Variants in MPP3 observed in about 807,000 individuals in gnomAD.
The protein encoded by MPP3 is MAGUK p55 scaffold protein 3.
Under a neutral mutation model 80.7 loss-of-function variants are expected in MPP3, and 48 were observed. The ratio of observed to expected loss-of-function variants is 0.59; its 90% CI spans 0.47 to 0.76. MPP3 has a LOEUF of 0.76. MPP3 is among the 30% of genes least tolerant of loss of function. MPP3 has a pLI of 0.00. For missense variants in MPP3, 620 were observed against 763.0 expected (o/e 0.81, Z 2.21); for synonymous variants, 311 against 297.6 (o/e 1.04, Z -0.46).
At position 43,831,697 on chromosome 17, in the gene MPP3, A is replaced by C; in HGVS notation, c.26-20T>G. Reference sequence around the variant, plus strand: ...GCAAACCTGGGGAGAGGTGAGAAAAACAAAGGATAGCAAACGCAGTGGGTG... The same window carrying C: ...GCAAACCTGGGGAGAGGTGAGAAAACCAAAGGATAGCAAACGCAGTGGGTG... On this transcript the variant is annotated intron_variant, in intron 3 of 19. Coordinates refer to ENST00000398389, the MANE Select transcript of MPP3 (RefSeq NM_001932.6). 2.5e-6 allele frequency: 4 copies of C among 1,588,582 alleles called. No individual in the cohort carries two copies. Among genetic ancestry groups the C allele is most frequent in the Non-Finnish European group, 3.4e-6 (4 of 1,162,248 alleles).
At chr17:43,812,990 G>A (rs930937793) in intron 16 of MPP3, among the ~76,000 whole-genome samples, 32 of 152,142 alleles carry the variant, frequency 2.1e-4, no homozygotes, top group Non-Finnish European at 7.4e-5. Context: ...CAGGGAGAGC[G>A]GTGTGATCAA....
intron 2 of MPP3, among the ~76,000 whole-genome samples, chr17:43,832,489 G>A (rs2046013989): frequency 6.6e-6 from 1 of 152,210 alleles, no homozygotes; most frequent in African/African-American, 2.4e-5. Flanking sequence ...CCAGACTGGA[G>A]TGCAGAGAGG....
Position 43,816,192 on chromosome 17 carries a change from T to C in MPP3, c.968-113A>G, listed in dbSNP as rs1157891219. 9 of 901,676 alleles carry C rather than the reference T, an allele frequency of 1.0e-5. No homozygotes were observed. The Middle Eastern group carries it at 1.0e-3, about 101-fold the overall frequency. 55.9% of individuals were successfully genotyped at this position (901,676 alleles called of 1,614,324 possible). ...AAGAGCCCCCTGGGATGGTGTCTCG[T>C]GGGGAGCTCAGGGGAAATCCCATGT... is the stretch of plus-strand genomic sequence containing the variant. On this transcript the variant is annotated intron_variant, in intron 13 of 19. Transcript: ENST00000398389.
chr17:43,812,223 CCA>C (rs1439887316), intron 16 of MPP3, among the ~76,000 whole-genome samples: 5 of 152,110 alleles, frequency 3.3e-5, no homozygotes, highest in Non-Finnish European at 7.4e-5. Context: ...ACACACAAAG[CCA>C]CACACACAGT....
rs56125167 is a variant in MPP3 at position 43,822,678 on chromosome 17, TAAAAAAAAAAA to T, written c.684+1242_684+1252del. 2.0e-3 allele frequency among the ~76,000 whole-genome samples: 119 copies of T among 59,072 alleles called. 3 individuals are homozygous for T. The highest frequency in any genetic ancestry group is 8.5e-3 in the African/African-American group (96 of 11,326). 38.8% of individuals were successfully genotyped at this position (59,072 alleles called of 152,430 possible). ...AAATATAACTGCACCACTCCCATCC[TAAAAAAAAAAA>T]AAAAAGAGCTTATTAGAACCTATGG... On this transcript the variant is annotated intron_variant, in intron 10 of 19. Coordinates refer to ENST00000398389, the MANE Select transcript of MPP3 (RefSeq NM_001932.6).
chr17:43,821,670 T>C (rs533971221), intron 10 of MPP3, among the ~76,000 whole-genome samples: 1 of 152,312 alleles, frequency 6.6e-6, no homozygotes, highest in Non-Finnish European at 1.5e-5. Flanking sequence ...CTGGAGAAGA[T>C]GGTGTGAGGA....
In MPP3 at chr17:43,816,028, A is replaced by G; in HGVS notation, c.1009+10T>C. ...GGTCGTGCATGTGGGTGTCAGGGGGAGCTACTTACCCACATAGTGCCCTTT... is the reference window on the plus strand; with the variant it reads ...GGTCGTGCATGTGGGTGTCAGGGGGGGCTACTTACCCACATAGTGCCCTTT... On this transcript the variant is annotated intron_variant, in intron 14 of 19. Transcript: ENST00000398389. 1 of 1,491,338 alleles carries G rather than the reference A, an allele frequency of 6.7e-7. No homozygotes were observed. The allele number at this position is 1,491,338 out of a possible 1,614,324, so 92.4% of individuals were successfully genotyped here.
chr17:43,822,381 G>A (rs2045501310), intron 10 of MPP3, among the ~76,000 whole-genome samples: 1 of 152,104 alleles, frequency 6.6e-6, no homozygotes, highest in African/African-American at 2.4e-5. Flanking sequence ...GCAGGTATGG[G>A]AATGTCTTGA....
At chr17:43,830,657 C>A (rs951574393) in intron 5 of MPP3, among the ~76,000 whole-genome samples, 3 of 152,164 alleles carry the variant, frequency 2.0e-5, no homozygotes, top group African/African-American at 7.2e-5. Context: ...GAGAAGGGCC[C>A]AGGGCTCTGC....
At position 43,831,212 on chromosome 17, in the gene MPP3, G is replaced by A. The variant is rs374076303; in HGVS notation, c.222+32C>T. On this transcript the variant is annotated intron_variant, in intron 5 of 19. Transcript: ENST00000398389. ...GGAGCCCTACAGGGTGGGGAGTGGG[G>A]CAGACACTGTAAGGAGAAACCTGGG... is the stretch of plus-strand genomic sequence containing the variant. 36 of 1,606,150 alleles carry A rather than the reference G, an allele frequency of 2.2e-5. No individual in the cohort carries two copies. In the African/African-American group the frequency reaches 4.4e-4, roughly 20 times the overall value.
intron 14 of MPP3, among the ~76,000 whole-genome samples, chr17:43,814,984 G>GACAT (rs1259375499): frequency 1.3e-5 from 2 of 152,238 alleles, no homozygotes; most frequent in African/African-American, 4.8e-5. Flanking sequence ...TGGAGTATAT[G>GACAT]AGAGTTCTTT....
chr17:43,824,253 G>A (rs188673048), intron 9 of MPP3, among the ~76,000 whole-genome samples: 4 of 152,150 alleles, frequency 2.6e-5, no homozygotes, highest in East Asian at 1.9e-4. Context: ...TAGCAGTGGC[G>A]GGTTGGTAAC....
At chr17:43,819,783 G>A (rs945006744) in intron 11 of MPP3, among the ~76,000 whole-genome samples, 7 of 149,992 alleles carry the variant, frequency 4.7e-5, no homozygotes, top group Admixed American at 1.3e-4. Context: ...AAATACTCAC[G>A]CCAAAAATGT....
intron 12 of MPP3, chr17:43,817,794 T>C (rs969931755): frequency 8.5e-6 from 4 of 471,820 alleles, no homozygotes; most frequent in African/African-American, 2.0e-5. Context: ...CACACACACA[T>C]CTGCACATTT....
At chr17:43,831,047 A>G (rs766196974) in intron 5 of MPP3, among the ~76,000 whole-genome samples, 197 bp downstream of exon 5, 1 of 152,224 alleles carries the variant, frequency 6.6e-6, no homozygotes, top group Non-Finnish European at 1.5e-5. Context: ...AGCCCAGTCC[A>G]AGGCTCACGG....
chr17:43,832,011 A>G (rs1346924548), intron 2 of MPP3, 68 bp from the exon 3 acceptor site: 11 of 972,482 alleles, frequency 1.1e-5, no homozygotes. Flanking sequence ...AACTGACTAC[A>G]CATCTACTGT....
intron 8 of MPP3, among the ~76,000 whole-genome samples, chr17:43,827,544 C>T (rs1377369679): frequency 6.6e-6 from 1 of 152,150 alleles, no homozygotes; most frequent in Non-Finnish European, 1.5e-5. Context: ...TGTGCACCAC[C>T]ATGCCCAGCT....
Position 43,829,247 on chromosome 17 carries a change from C to T in MPP3, c.441+407G>A, listed in dbSNP as rs923736540. 5.3e-5 allele frequency among the ~76,000 whole-genome samples: 8 copies of T among 152,304 alleles called. No individual in the cohort carries two copies. The East Asian group carries it at 9.6e-4, about 18-fold the overall frequency. ...GCCAGCCACACAGTCTCTGTCACAA[C>T]GACTCAACTCTGCCATCGCACTATA... On this transcript the variant is annotated intron_variant, in intron 7 of 19. Coordinates refer to ENST00000398389, the MANE Select transcript of MPP3 (RefSeq NM_001932.6).
chr17:43,810,609 G>A (rs2044810776), intron 18 of MPP3, among the ~76,000 whole-genome samples, 198 bp downstream of exon 18: 1 of 152,204 alleles, frequency 6.6e-6, no homozygotes, highest in Non-Finnish European at 1.5e-5. Context: ...TACAATTAAT[G>A]CAGCATTTGT....
Sources: gnomAD v4.1 joint callset for allele counts (sites outside exome capture counted in the v4.1 genomes callset) on GRCh38, gnomAD v4.1.1 for gene constraint, MANE v1.5 for transcripts, NCBI Gene and HGNC (gene_info 2026-07-23, HGNC 2026-07-21) for gene names.